KIAA1217: variants seen among roughly 807,000 people sequenced by gnomAD.
KIAA1217 encodes the protein sickle tail protein homolog.
Under a neutral mutation model 163.9 loss-of-function variants are expected in KIAA1217, and 88 were observed. That is an observed-to-expected ratio of 0.54 (90% CI 0.45 to 0.64). The LOEUF is 0.64. Among genes scored for constraint, KIAA1217 ranks in the 30% least tolerant of loss-of-function variants. The pLI is 0.00. For synonymous variants in KIAA1217, 903 were observed against 923.1 expected (o/e 0.98, Z 0.39); for missense variants, 2,372 against 2,475.0 (o/e 0.96, Z 0.88).
At chr10:24,374,494 T>C (rs1207454248) in intron 2 of KIAA1217, among the ~76,000 whole-genome samples, 2 of 152,198 alleles carry the variant, frequency 1.3e-5, no homozygotes, top group African/African-American at 2.4e-5. Flanking sequence ...TATTCTCCTC[T>C]ACCACCATTT....
intron 1 of KIAA1217, among the ~76,000 whole-genome samples, chr10:23,869,627 A>G (rs1027754197): frequency 2.6e-5 from 4 of 152,142 alleles, no homozygotes; most frequent in African/African-American, 9.6e-5. Context: ...TGTAACGCAG[A>G]TAAGTTTAGC....
chr10:24,267,074 A>G (rs1395238164), intron 2 of KIAA1217, among the ~76,000 whole-genome samples: 1 of 152,218 alleles, frequency 6.6e-6, no homozygotes, highest in Non-Finnish European at 1.5e-5. Context: ...CCAAGATAGT[A>G]TTGTGATCAT....
At chr10:23,878,306 G>A (rs559783713) in intron 1 of KIAA1217, among the ~76,000 whole-genome samples, 15 of 151,984 alleles carry the variant, frequency 9.9e-5, no homozygotes, top group African/African-American at 3.1e-4. Flanking sequence ...TCAAAAAGTG[G>A]CATTCTGACA....
At chr10:24,382,662 G>T (rs755720547) in intron 3 of KIAA1217, among the ~76,000 whole-genome samples, 1 of 151,832 alleles carries the variant, frequency 6.6e-6, no homozygotes, top group Non-Finnish European at 1.5e-5. Context: ...GCAGCAGTGG[G>T]AAGTCCAGGG....
chr10:24,306,937 G>T (rs375455674), intron 2 of KIAA1217, among the ~76,000 whole-genome samples: 5 of 152,102 alleles, frequency 3.3e-5, no homozygotes, highest in Non-Finnish European at 7.3e-5. Flanking sequence ...TCATTCACAC[G>T]GCAAGAAATG....
intron 2 of KIAA1217, among the ~76,000 whole-genome samples, chr10:24,266,906 G>A (rs531720180): frequency 2.4e-4 from 36 of 152,176 alleles, no homozygotes; most frequent in East Asian, 1.9e-4. Context: ...GCTTTGGGTC[G>A]GTGCCATCTT....
intron 9 of KIAA1217, among the ~76,000 whole-genome samples, chr10:24,506,774 G>A (rs1335034142): frequency 6.6e-6 from 1 of 152,214 alleles, no homozygotes; most frequent in African/African-American, 2.4e-5. Flanking sequence ...ACCCAAGCAT[G>A]GCACTGACAG....
At position 24,004,621 on chromosome 10, in the gene KIAA1217, A is replaced by T. The variant is rs149807401; in HGVS notation, c.-320-2604A>T. 9.0e-4 allele frequency among the ~76,000 whole-genome samples: 137 copies of T among 152,350 alleles called. 1 individual carries two copies. The highest frequency in any genetic ancestry group is 3.1e-3 in the African/African-American group (129 of 41,592). On this transcript the variant is annotated intron_variant, in intron 1 of 18. Coordinates refer to the KIAA1217 transcript ENST00000376462. Reference sequence around the variant, plus strand: ...TTATTGCTAATTACTTCTCAACAAGATCCAGTGACCAGCAAATAACTCAAG... The same window carrying T: ...TTATTGCTAATTACTTCTCAACAAGTTCCAGTGACCAGCAAATAACTCAAG...
chr10:23,910,270 C>T (rs1842377590), intron 1 of KIAA1217, among the ~76,000 whole-genome samples: 1 of 151,496 alleles, frequency 6.6e-6, no homozygotes, highest in South Asian at 2.1e-4. Flanking sequence ...GCACATTCTG[C>T]ACGTGTACCC....
At chr10:24,188,688 T>C (rs2066559387) in intron 2 of KIAA1217, among the ~76,000 whole-genome samples, 1 of 152,168 alleles carries the variant, frequency 6.6e-6, no homozygotes, top group African/African-American at 2.4e-5. Flanking sequence ...TGTAACGTGT[T>C]TGTCCTTTTT....
At chr10:23,990,117 A>G (rs1234147484) in intron 1 of KIAA1217, among the ~76,000 whole-genome samples, 1 of 152,208 alleles carries the variant, frequency 6.6e-6, no homozygotes, top group Non-Finnish European at 1.5e-5. Flanking sequence ...AAGCTTATGA[A>G]TGCTAAGGAG....
chr10:23,878,107 A>G (rs1191593692), intron 1 of KIAA1217, among the ~76,000 whole-genome samples: 1 of 151,928 alleles, frequency 6.6e-6, no homozygotes, highest in Non-Finnish European at 1.5e-5. Context: ...AAACAAGAAG[A>G]CCGACTTATG....
intron 2 of KIAA1217, among the ~76,000 whole-genome samples, chr10:24,349,343 C>A (rs2048184773): frequency 6.6e-6 from 1 of 152,192 alleles, no homozygotes; most frequent in South Asian, 2.1e-4. Flanking sequence ...GATCCCCTAA[C>A]ATCTGTGTGT....
At chr10:24,346,926 A>G (rs977771778) in intron 2 of KIAA1217, among the ~76,000 whole-genome samples, 4 of 152,168 alleles carry the variant, frequency 2.6e-5, no homozygotes, top group Non-Finnish European at 4.4e-5. Context: ...TGTCCATCTG[A>G]TGATGTCTCA....
chr10:24,299,227 C>G (rs933517670), intron 2 of KIAA1217, among the ~76,000 whole-genome samples: 9 of 152,114 alleles, frequency 5.9e-5, no homozygotes, highest in East Asian at 3.9e-4. Context: ...GCTCTAAAAT[C>G]CAGGTTCTTT....
chr10:24,058,727 T>C (rs919852849), intron 2 of KIAA1217, among the ~76,000 whole-genome samples: 2 of 152,196 alleles, frequency 1.3e-5, no homozygotes, highest in African/African-American at 4.8e-5. Flanking sequence ...TTTCATATGT[T>C]GATTTTATAC....
rs776730574 is a variant in KIAA1217, at chr10:24,533,261, T to A, written c.3414+24T>A. The A allele has an allele frequency of 2.5e-6, 4 of 1,584,506 alleles. No individual in the cohort carries two copies. In the African/African-American group the frequency reaches 5.4e-5, roughly 21 times the overall value. ...AGGTATGTGGATGAGGTGACTGACA[T>A]TGGCTCCTTGCCTCCCGCCTGGGTC... is the stretch of plus-strand genomic sequence containing the variant. On this transcript the variant is annotated intron_variant, in intron 16 of 20. Coordinates refer to ENST00000376454, the MANE Select transcript of KIAA1217 (RefSeq NM_019590.5).
At chr10:24,164,472 G>T (rs1394737281) in intron 2 of KIAA1217, among the ~76,000 whole-genome samples, 1 of 152,140 alleles carries the variant, frequency 6.6e-6, no homozygotes, top group Non-Finnish European at 1.5e-5. Context: ...TCTGAGAGAG[G>T]TAACCCCATC....
intron 1 of KIAA1217, among the ~76,000 whole-genome samples, chr10:23,700,951 C>T (rs1376421701): frequency 6.6e-6 from 1 of 151,930 alleles, no homozygotes; most frequent in African/African-American, 2.4e-5. Flanking sequence ...TTTCTGAATC[C>T]CTAGTGGCTA....
Sources: allele counts gnomAD v4.1 joint callset (sites outside exome capture counted in the v4.1 genomes callset), GRCh38; gene constraint gnomAD v4.1.1; transcripts MANE v1.5; gene names NCBI Gene and HGNC (gene_info 2026-07-23, HGNC 2026-07-21).